Variants in CBX3 observed in about 807,000 individuals in gnomAD.
The protein encoded by CBX3 is chromobox 3, also known as chromobox protein homolog 3.
In CBX3, 5 loss-of-function variants were observed where a neutral mutation model predicts 22.6. That is an observed-to-expected ratio of 0.22 (90% CI 0.12 to 0.47). CBX3 has a LOEUF of 0.47. Ranked by LOEUF, CBX3 falls within the 20% of genes least tolerant of loss-of-function variation. The pLI, the probability that CBX3 is intolerant of heterozygous loss-of-function variation, is 0.99. For missense variants in CBX3, 83 were observed against 208.1 expected (o/e 0.40, Z 3.70); for synonymous variants, 50 against 66.6 (o/e 0.75, Z 1.21).
chr7:26,209,779 A>G (rs1008623490), intron 4 of CBX3, among the ~76,000 whole-genome samples: 1 of 152,204 alleles, frequency 6.6e-6, no homozygotes, highest in Non-Finnish European at 1.5e-5. Flanking sequence ...TGTCTTGCCT[A>G]CTGACCTAGT....
At chr7:26,208,212 A>G in intron 3 of CBX3, 181 bp from the exon 4 acceptor site, 1 of 457,542 alleles carries the variant, frequency 2.2e-6, no homozygotes, top group Non-Finnish European at 4.0e-6. Flanking sequence ...ACAAAGCAAG[A>G]CCCTGTCTCT....
intron 4 of CBX3, among the ~76,000 whole-genome samples, chr7:26,210,776 A>G (rs1784787088): frequency 6.6e-6 from 1 of 152,212 alleles, no homozygotes; most frequent in Non-Finnish European, 1.5e-5. Flanking sequence ...GATATTCAAC[A>G]TGTGTCTTAA....
intron 4 of CBX3, 132 bp downstream of exon 4, chr7:26,208,687 C>G: frequency 1.3e-6 from 1 of 753,828 alleles, no homozygotes; most frequent in South Asian, 2.0e-5. Context: ...ATGGCATGAT[C>G]TTGGTCACTG....
chr7:26,208,950 T>TTC, intron 4 of CBX3, among the ~76,000 whole-genome samples: 1 of 130,498 alleles, frequency 7.7e-6, no homozygotes, highest in Non-Finnish European at 1.6e-5. Flanking sequence ...TTTTTTTTTT[T>TTC]TCCTGGGAGA....
Position 26,212,071 on chromosome 7 carries a change from T to C in CBX3, c.426-11T>C, listed in dbSNP as rs1294275194. ...CGACTTGTAACTGAATTTTTCTTTTTCTTAAAACAGGAAAGATTCAGATGA... is the reference window on the plus strand; with the variant it reads ...CGACTTGTAACTGAATTTTTCTTTTCCTTAAAACAGGAAAGATTCAGATGA... On this transcript the variant is annotated splice_polypyrimidine_tract_variant and intron_variant, in intron 5 of 5. Coordinates refer to ENST00000396386, the MANE Select transcript of CBX3 (RefSeq NM_016587.4). 5 of 1,287,032 alleles carry C rather than the reference T, an allele frequency of 3.9e-6. No individual in the cohort carries two copies. The East Asian group carries it at 1.2e-4, about 30-fold the overall frequency. 79.7% of individuals were successfully genotyped at this position (1,287,032 alleles called of 1,614,324 possible).
At chr7:26,208,365 T>C (rs1046489323) in intron 3 of CBX3, 28 bp from the exon 4 acceptor site, 6 of 420,492 alleles carry the variant, frequency 1.4e-5, no homozygotes, top group Non-Finnish European at 2.0e-5. Flanking sequence ...TTCAATCACC[T>C]TTTTTTTTTT....
Position 26,212,562 on chromosome 7 carries a change from C to G in CBX3, c.*354C>G, listed in dbSNP as rs1784828074. ...TGTTCTCATGAGCCTAAGGACCATT[C>G]TAGATTTATTACGTGTTTTTTGTGT... On this transcript the variant is annotated 3_prime_UTR_variant, in exon 6 of 6. Coordinates refer to ENST00000396386, the MANE Select transcript of CBX3 (RefSeq NM_016587.4). The G allele has an allele frequency of 6.6e-6, 1 of 151,742 alleles. No homozygotes were observed. Among genetic ancestry groups the G allele is most frequent in the Non-Finnish European group, 1.5e-5 (1 of 68,342 alleles). The allele number at this position is 151,742 out of a possible 1,614,324, so 9.4% of individuals were successfully genotyped here. A position where few individuals can be genotyped will look rare whatever the true frequency, so the allele number is the denominator to read the frequency against.
intron 1 of CBX3, chr7:26,202,638 T>G (rs1219668103): frequency 3.7e-6 from 1 of 268,518 alleles, no homozygotes; most frequent in Non-Finnish European, 7.0e-6. Context: ...CGTGCCTGGT[T>G]TTAAACCGAA....
intron 4 of CBX3, chr7:26,210,402 CTG>C (rs912564232): frequency 1.1e-4 from 17 of 152,324 alleles, no homozygotes; most frequent in African/African-American, 3.8e-4. Flanking sequence ...TGTGAAATAT[CTG>C]TGCAGTAGAT....
At chr7:26,202,798 C>T (rs1202467724) in intron 1 of CBX3, 173 bp from the exon 2 acceptor site, 6 of 606,188 alleles carry the variant, frequency 9.9e-6, no homozygotes, top group Non-Finnish European at 1.5e-5. Flanking sequence ...GGTTAGGACA[C>T]GTACTTAAGT....
intron 1 of CBX3, 175 bp from the exon 2 acceptor site, chr7:26,202,796 C>T (rs1250941195): frequency 6.6e-6 from 4 of 603,710 alleles, no homozygotes; most frequent in Non-Finnish European, 1.2e-5. Flanking sequence ...ATGGTTAGGA[C>T]ACGTACTTAA....
upstream of CBX3, chr7:26,201,561 G>T (rs1054429280): frequency 1.3e-5 from 2 of 151,348 alleles, no homozygotes; most frequent in Non-Finnish European, 3.0e-5. Flanking sequence ...CGCCGCGAAC[G>T]GTAAGTGCCG....
chr7:26,202,827 G>A (rs1340294673), intron 1 of CBX3, 144 bp from the exon 2 acceptor site: 5 of 678,162 alleles, frequency 7.4e-6, no homozygotes, highest in Non-Finnish European at 1.3e-5. Context: ...AGCAATGTAG[G>A]TAGGAGCGCA....
At chr7:26,204,128 C>T (rs1784618595) in intron 2 of CBX3, among the ~76,000 whole-genome samples, 1 of 152,026 alleles carries the variant, frequency 6.6e-6, no homozygotes, top group African/African-American at 2.4e-5. Flanking sequence ...GAAAAAAGTG[C>T]TGGGTTAAGG....
intron 5 of CBX3, 97 bp downstream of exon 5, chr7:26,211,853 T>C: frequency 1.4e-5 from 13 of 955,556 alleles, no homozygotes; most frequent in Non-Finnish European, 2.0e-5. Flanking sequence ...AAAAACTATC[T>C]GCTGAGAGGA....
intron 2 of CBX3, 97 bp from the exon 3 acceptor site, chr7:26,206,271 T>G (rs1000770172): frequency 2.6e-6 from 2 of 759,984 alleles, no homozygotes; most frequent in Non-Finnish European, 4.2e-6. Flanking sequence ...AGTAAAAATT[T>G]ATGTCGAATG....
intron 3 of CBX3, among the ~76,000 whole-genome samples, chr7:26,206,849 A>T (rs1784687439): frequency 3.3e-5 from 5 of 152,214 alleles, no homozygotes; most frequent in Admixed American, 2.0e-4. Context: ...GGTGCTAAAA[A>T]CATTGAAGCT....
chr7:26,208,644 G>C, intron 4 of CBX3, 89 bp downstream of exon 4: 1 of 1,278,608 alleles, frequency 7.8e-7, no homozygotes, highest in Non-Finnish European at 1.1e-6. Flanking sequence ...TTTTGAGATG[G>C]AGTCTTGCTC....
intron 2 of CBX3, among the ~76,000 whole-genome samples, chr7:26,205,712 G>C (rs1324404534): frequency 2.0e-5 from 3 of 152,174 alleles, no homozygotes; most frequent in Non-Finnish European, 4.4e-5. Flanking sequence ...TTGCTTCTCT[G>C]TATCACCCTT....
Sources: gnomAD v4.1 joint callset for allele counts (sites outside exome capture counted in the v4.1 genomes callset) on GRCh38, gnomAD v4.1.1 for gene constraint, MANE v1.5 for transcripts, NCBI Gene and HGNC (gene_info 2026-07-23, HGNC 2026-07-21) for gene names.